The following SZT2 variants were observed in gnomAD, a reference collection of about 807,000 sequenced individuals.
The protein encoded by SZT2 is KICSTOR complex protein SZT2.
A neutral mutation model predicts 404.2 loss-of-function variants in SZT2; 216 were observed. The observed-to-expected ratio is 0.53, with a 90% CI of 0.48 to 0.60. SZT2 has a LOEUF of 0.60. SZT2 is among the 20% of genes least tolerant of loss of function. The pLI is 0.00. For synonymous variants in SZT2, 1,693 were observed against 1,749.9 expected (o/e 0.97, Z 0.81); for missense variants, 3,857 against 4,459.2 (o/e 0.86, Z 3.85).
rs1656517446 is a variant in SZT2 at position 43,452,236 on chromosome 1, T to C, written c.*1756T>C. 6.2e-7 allele frequency: 1 copy of C among 1,613,704 alleles called. No homozygotes were observed. The highest frequency in any genetic ancestry group is 8.5e-7 in the Non-Finnish European group (1 of 1,179,894). On this transcript the variant is annotated 3_prime_UTR_variant, in exon 72 of 72. Coordinates refer to ENST00000634258, the MANE Select transcript of SZT2 (RefSeq NM_001365999.1). ...CAAAACCCCAGCTGCATGCCTCAGG[T>C]TCTCCAGAAAAACGGCCTCCATCTC...
Position 43,448,690 on chromosome 1 carries a change from C to T in SZT2, c.10048C>T (p.Arg3350Cys), listed in dbSNP as rs777026513. 5 of 1,614,178 alleles carry T rather than the reference C, an allele frequency of 3.1e-6. No individual in the cohort carries two copies. The highest frequency in any genetic ancestry group is 1.3e-5 in the African/African-American group (1 of 75,036). The change falls in exon 70 of 72, where the codon CGC (arginine) becomes TGC (cysteine). Residue 3350 changes from arginine (R) to cysteine (C), a missense_variant. By Grantham distance (180) the Arg-to-Cys change is radical. This residue lies in a region of SZT2 where 717 missense variants were observed against 868.2 expected (regional missense o/e 0.83). Transcript: ENST00000634258. The surrounding 1 kb of genome is among the most constrained non-coding windows in gnomAD (Gnocchi z 4.2). ...VLLSRFPQSC[R>C]HFQSPDLGTQ... ...CCTAAGCCGCTTCCCCCAGAGCTGT[C>T]GCCATTTCCAAAGCCCAGACTTGGG... is the stretch of plus-strand genomic sequence containing the variant.
chr1:43,435,434 T>A, intron 42 of SZT2, 105 bp downstream of exon 42: 1 of 1,341,410 alleles, frequency 7.5e-7, no homozygotes, highest in Non-Finnish European at 1.0e-6. Context: ...TACTTGGTCA[T>A]CAGTGCCAAG....
intron 62 of SZT2, among the ~76,000 whole-genome samples, chr1:43,445,085 G>A (rs559804630): frequency 8.1e-4 from 124 of 152,224 alleles, no homozygotes; most frequent in Non-Finnish European, 1.4e-3. Flanking sequence ...TATCTTGACA[G>A]CCAGTTCCCA....
At chr1:43,433,252 A>G (rs1570681221) in intron 40 of SZT2, 62 bp downstream of exon 40, 2 of 1,547,106 alleles carry the variant, frequency 1.3e-6, no homozygotes, top group East Asian at 4.5e-5. Context: ...CTGCTCCCAC[A>G]GTACCTCTCT....
intron 1 of SZT2, among the ~76,000 whole-genome samples, chr1:43,402,854 AG>A (rs1218194318): frequency 6.6e-6 from 1 of 152,220 alleles, no homozygotes; most frequent in Non-Finnish European, 1.5e-5. Flanking sequence ...TGCCAAGCAC[AG>A]GGGCACAAAA....
Position 43,391,852 on chromosome 1 carries a change from C to T in SZT2, c.27+1857C>T, listed in dbSNP as rs1257650709. Among the ~76,000 whole-genome samples the T allele has an allele frequency of 1.1e-4, 3 of 27,306 alleles. 1 individual carries two copies. The highest frequency in any genetic ancestry group is 6.9e-4 in the Admixed American group (2 of 2,918). 17.9% of individuals were successfully genotyped at this position (27,306 alleles called of 152,430 possible). A position where few individuals can be genotyped will look rare whatever the true frequency, so the allele number is the denominator to read the frequency against. On this transcript the variant is annotated intron_variant, in intron 1 of 71. Coordinates refer to ENST00000634258, the MANE Select transcript of SZT2 (RefSeq NM_001365999.1). ...ATCCCAGCACTTTGGGAGGCCGAGG[C>T]GGGCGGATCACGAGGTCAGGAGATC...
rs550129740 is a variant in SZT2, at chr1:43,397,453, T to C, written c.28-5724T>C. Reference sequence around the variant, plus strand: ...AAAAAAAAAAAGAAAAGAAACAATATGTAGACATGGCCTCCACCTCGCTGG... The same window carrying C: ...AAAAAAAAAAAGAAAAGAAACAATACGTAGACATGGCCTCCACCTCGCTGG... On this transcript the variant is annotated intron_variant, in intron 1 of 71. Transcript: ENST00000634258. Among the ~76,000 whole-genome samples, 53 of 151,018 alleles carry C rather than the reference T, an allele frequency of 3.5e-4. 1 individual carries two copies. The South Asian group carries it at 9.9e-3, about 28-fold the overall frequency.
In SZT2 at chr1:43,453,861, C is replaced by CA; in HGVS notation, c.*3381_*3382insA. Reference sequence around the variant, plus strand: ...GCGGCGGGCGGCGGGCGGCGGGCGGCGGGCGGGGGCGGGGCTCTCCTTGCT... The same window carrying CA: ...GCGGCGGGCGGCGGGCGGCGGGCGGCAGGGCGGGGGCGGGGCTCTCCTTGCT... On this transcript the variant is annotated 3_prime_UTR_variant, in exon 72 of 72. Transcript: ENST00000634258. 1 of 757,906 alleles carries CA rather than the reference C, an allele frequency of 1.3e-6. No homozygotes were observed. The highest frequency in any genetic ancestry group is 4.9e-5 in the Admixed American group (1 of 20,444). The allele number at this position is 757,906 out of a possible 1,614,324, so 46.9% of individuals were successfully genotyped here. A position where few individuals can be genotyped will look rare whatever the true frequency, so the allele number is the denominator to read the frequency against.
At chr1:43,428,677 TC>T in intron 28 of SZT2, 191 bp downstream of exon 28, 1 of 678,510 alleles carries the variant, frequency 1.5e-6, no homozygotes, top group Non-Finnish European at 2.4e-6. Context: ...GCAGTCTCCC[TC>T]CCAGGCTCTC....
At chr1:43,396,160 C>T (rs1469083407) in intron 1 of SZT2, among the ~76,000 whole-genome samples, 1 of 152,098 alleles carries the variant, frequency 6.6e-6, no homozygotes, top group East Asian at 1.9e-4. Flanking sequence ...TTCTGGTCCC[C>T]ACATTTTAAG....
chr1:43,454,210 G>C lies in SZT2; in HGVS notation c.*3730G>C. 4.8e-6 allele frequency: 1 copy of C among 206,474 alleles called. No individual in the cohort carries two copies. Among genetic ancestry groups the C allele is most frequent in the Non-Finnish European group, 8.6e-6 (1 of 115,938 alleles). The allele number at this position is 206,474 out of a possible 1,614,324, so 12.8% of individuals were successfully genotyped here. On this transcript the variant is annotated 3_prime_UTR_variant, in exon 72 of 72. Transcript: ENST00000634258. Reference sequence around the variant, plus strand: ...TCTGTTCGTTAAGCAACATTTGAAAGCTGTATGACCAAATAAAGAAGCACT... The same window carrying C: ...TCTGTTCGTTAAGCAACATTTGAAACCTGTATGACCAAATAAAGAAGCACT...
At position 43,431,464 on chromosome 1, in the gene SZT2, C is replaced by T. The variant is rs1653867978; in HGVS notation, c.5029C>T (p.Pro1677Ser). 1.2e-6 allele frequency: 2 copies of T among 1,614,004 alleles called. No individual in the cohort carries two copies. Among genetic ancestry groups the T allele is most frequent in the Admixed American group, 1.7e-5 (1 of 59,998 alleles). Reference protein sequence around the residue: ...PLPPPEEERHPGLSNLATPHR... With the variant: ...PLPPPEEERHSGLSNLATPHR... ...CTAAACCTTTCTTCCAATTAGGCAC[C>T]CAGGACTATCCAATTTGGCCACGCC... The change falls in exon 35 of 72, where the codon CCA becomes TCA. Residue 1677 changes from proline (P) to serine (S), a missense_variant. This residue lies in a region of SZT2 where 1,725 missense variants were observed against 1,881.0 expected (regional missense o/e 0.92). Coordinates refer to ENST00000634258, the MANE Select transcript of SZT2 (RefSeq NM_001365999.1).
rs1656356862 is a variant in SZT2, at chr1:43,451,186, G to A, written c.*706G>A. ...AGCAGGTCATCTTTAATGCAGAGGA[G>A]GAGATGGGATGTCACTCGCTGTCTG... On this transcript the variant is annotated 3_prime_UTR_variant, in exon 72 of 72. Coordinates refer to ENST00000634258, the MANE Select transcript of SZT2 (RefSeq NM_001365999.1). The A allele has an allele frequency of 1.3e-6, 2 of 1,495,184 alleles. No individual in the cohort carries two copies. The highest frequency in any genetic ancestry group is 1.9e-6 in the Non-Finnish European group (2 of 1,071,778). 92.6% of individuals were successfully genotyped at this position (1,495,184 alleles called of 1,614,324 possible). A position where few individuals can be genotyped will look rare whatever the true frequency, so the allele number is the denominator to read the frequency against.
intron 28 of SZT2, 73 bp downstream of exon 28, chr1:43,428,559 C>T (rs1653467535): frequency 6.4e-7 from 1 of 1,558,060 alleles, no homozygotes; most frequent in African/African-American, 1.4e-5. Context: ...CCTTCCAGTC[C>T]AGGGGAATGA....
intron 11 of SZT2, 122 bp from the exon 12 acceptor site, chr1:43,421,961 C>A: frequency 1.8e-6 from 2 of 1,124,152 alleles, no homozygotes; most frequent in Non-Finnish European, 2.5e-6. Flanking sequence ...TGGGCTGTAG[C>A]CTCAAACCAC....
intron 62 of SZT2, chr1:43,445,276 C>T (rs1310212587): frequency 6.5e-6 from 1 of 152,764 alleles, no homozygotes; most frequent in Non-Finnish European, 1.5e-5. Context: ...AAGTCTTGTC[C>T]CAGTTTCCTT....
intron 41 of SZT2, 53 bp from the exon 42 acceptor site, chr1:43,435,147 A>G (rs1654326679): frequency 1.3e-6 from 2 of 1,598,228 alleles, no homozygotes; most frequent in African/African-American, 1.3e-5. Context: ...GACCACCACC[A>G]CCCACTTAGG....
At position 43,453,807 on chromosome 1, in the gene SZT2, G is replaced by A. The variant is rs1031983609; in HGVS notation, c.*3327G>A. The A allele has an allele frequency of 4.0e-6, 5 of 1,252,222 alleles. No individual in the cohort carries two copies. Among genetic ancestry groups the A allele is most frequent in the Non-Finnish European group, 5.0e-6 (5 of 1,001,014 alleles). 77.6% of individuals were successfully genotyped at this position (1,252,222 alleles called of 1,614,324 possible). On this transcript the variant is annotated 3_prime_UTR_variant, in exon 72 of 72. Transcript: ENST00000634258. ...CAGCGGCGCCATGCCTGGGGAGGCC[G>A]GGCCGGGCGGAGTCCGCGGGATCCA...
chr1:43,439,259 C>T lies in SZT2; in HGVS notation c.6793-99C>T, dbSNP rs1654803495. 13 of 1,529,246 alleles carry T rather than the reference C, an allele frequency of 8.5e-6. No individual in the cohort carries two copies. The highest frequency in any genetic ancestry group is 1.4e-5 in the African/African-American group (1 of 73,334). 94.7% of individuals were successfully genotyped at this position (1,529,246 alleles called of 1,614,324 possible). A position where few individuals can be genotyped will look rare whatever the true frequency, so the allele number is the denominator to read the frequency against. On this transcript the variant is annotated intron_variant, in intron 48 of 71. Coordinates refer to ENST00000634258, the MANE Select transcript of SZT2 (RefSeq NM_001365999.1). This position sits in a 1 kb window ranked among gnomAD's most constrained non-coding sequence, Gnocchi z 4.2. ...TACCCGCCTGTGTCTTCTCATGCTCCCATATCTACCTGCACCACATTCCCC... is the reference window on the plus strand; with the variant it reads ...TACCCGCCTGTGTCTTCTCATGCTCTCATATCTACCTGCACCACATTCCCC...
Sources: allele counts gnomAD v4.1 joint callset (sites outside exome capture counted in the v4.1 genomes callset), GRCh38; gene constraint gnomAD v4.1.1; regional missense constraint gnomAD v4.1.1; non-coding constraint Gnocchi (gnomAD v3.1); transcripts MANE v1.5; gene names NCBI Gene and HGNC (gene_info 2026-07-23, HGNC 2026-07-21).